Variants in THAP10 observed in about 807,000 individuals in gnomAD.
The protein encoded by THAP10 is THAP domain-containing protein 10.
In THAP10, 10 loss-of-function variants were observed where a neutral mutation model predicts 15.7. The observed-to-expected ratio is 0.64, with a 90% CI of 0.39 to 1.08. THAP10 has a LOEUF of 1.08. Among genes scored for constraint, THAP10 ranks in the 50% least tolerant of loss-of-function variants. THAP10 has a pLI of 0.01. For missense variants in THAP10, 310 were observed against 330.9 expected, an observed-to-expected ratio of 0.94 and a Z score of 0.49; for synonymous variants, 127 against 129.1, an observed-to-expected ratio of 0.98 and a Z score of 0.11.
At position 70,891,975 on chromosome 15, in the gene THAP10, C is replaced by T. The variant is rs1404464180; in HGVS notation, c.298G>A (p.Gly100Arg). Reference protein sequence around the residue: ...HRVPAPAPKRGEEGDQAGRLD... With the variant: ...HRVPAPAPKRREEGDQAGRLD... ...CGGCCTGCTTGGTCTCCCTCCTCTC[C>T]CCTCTTAGGTGCCGGGGCGGGCACC... Residue 100 changes from glycine (G) to arginine (R), a missense_variant, in exon 1 of 3, where the codon GGA (glycine) becomes AGA (arginine). Physicochemically the swap from Gly to Arg is moderately radical, Grantham distance 125 (BLOSUM62 -2). Transcript: ENST00000249861. 2 of 1,613,512 alleles carry T rather than the reference C, an allele frequency of 1.2e-6. No homozygotes were observed. The highest frequency in any genetic ancestry group is 1.7e-6 in the Non-Finnish European group (2 of 1,179,798).
intron 1 of THAP10, among the ~76,000 whole-genome samples, chr15:70,887,618 T>TA (rs2033445307): frequency 6.6e-6 from 1 of 152,118 alleles, no homozygotes; most frequent in South Asian, 2.1e-4. Flanking sequence ...AAGAGAGCTA[T>TA]AAAAAACTAT....
Position 70,892,141 on chromosome 15 carries a change from C to A in THAP10, c.132G>T (p.Trp44Cys), listed in dbSNP as rs745472889. 1 of 1,613,518 alleles carries A rather than the reference C, an allele frequency of 6.2e-7. No individual in the cohort carries two copies. The highest frequency in any genetic ancestry group is 8.5e-7 in the Non-Finnish European group (1 of 1,179,806). ...DRFVRGCRAD[W>C]YGGNDRSVIC... is the part of the protein sequence containing the mutation. ...TGACCGAGCGGTCATTGCCTCCGTA[C>A]CAGTCGGCGCGGCAACCCCGCACGA... is the stretch of plus-strand genomic sequence containing the variant. The change falls in exon 1 of 3, where the codon TGG becomes TGT. Residue 44 changes from tryptophan to cysteine, a missense_variant. Physicochemically the swap from Trp to Cys is radical, Grantham distance 215. Transcript: ENST00000249861.
At chr15:70,890,440 A>G (rs898504384) in intron 1 of THAP10, among the ~76,000 whole-genome samples, 1 of 152,220 alleles carries the variant, frequency 6.6e-6, no homozygotes, top group Non-Finnish European at 1.5e-5. Flanking sequence ...ATCATTCCAT[A>G]AATATTTATT....
intron 1 of THAP10, among the ~76,000 whole-genome samples, chr15:70,888,729 G>C (rs2033474476): frequency 6.6e-6 from 1 of 152,060 alleles, no homozygotes; most frequent in African/African-American, 2.4e-5. Flanking sequence ...AGGACTTCCA[G>C]GTAGAATCTA....
chr15:70,888,651 T>C (rs2033471944), intron 1 of THAP10, among the ~76,000 whole-genome samples: 1 of 152,072 alleles, frequency 6.6e-6, no homozygotes, highest in African/African-American at 2.4e-5. Context: ...CTTCAGTACA[T>C]CAAAAGACAT....
At chr15:70,888,462 ATGTTGGGGAAAATG>A (rs1269419009) in intron 1 of THAP10, among the ~76,000 whole-genome samples, 1 of 152,176 alleles carries the variant, frequency 6.6e-6, no homozygotes, top group Non-Finnish European at 1.5e-5. Flanking sequence ...ATGGGTATCA[ATGTTGGGGAAAATG>A]AAACTTAAAT....
At chr15:70,886,935 A>G (rs888356828) in intron 1 of THAP10, among the ~76,000 whole-genome samples, 3 of 152,092 alleles carry the variant, frequency 2.0e-5, no homozygotes, top group African/African-American at 7.2e-5. Context: ...AGCAAAAATT[A>G]CCTCAGCTCA....
intron 1 of THAP10, among the ~76,000 whole-genome samples, chr15:70,884,481 C>T (rs2033350102): frequency 6.6e-6 from 1 of 152,014 alleles, no homozygotes; most frequent in Non-Finnish European, 1.5e-5. Context: ...GATCACACCA[C>T]TGCACTCCAG....
intron 1 of THAP10, 112 bp downstream of exon 1, chr15:70,891,732 A>G: frequency 4.0e-6 from 4 of 1,001,264 alleles, no homozygotes; most frequent in African/African-American, 1.6e-5. Context: ...AACTTTGCAG[A>G]TTAGAAAACA....
intron 1 of THAP10, among the ~76,000 whole-genome samples, 192 bp downstream of exon 1, chr15:70,891,652 A>C (rs1246325133): frequency 6.0e-5 from 9 of 149,072 alleles, no homozygotes; most frequent in Non-Finnish European, 1.2e-4. Context: ...GAAGGAATTA[A>C]CTGGGTCACT....
chr15:70,889,866 A>C (rs2033507894), intron 1 of THAP10, among the ~76,000 whole-genome samples: 1 of 152,172 alleles, frequency 6.6e-6, no homozygotes, highest in Non-Finnish European at 1.5e-5. Flanking sequence ...TAGACAAGCC[A>C]ATTTTTTAGC....
At chr15:70,882,678 T>G in intron 2 of THAP10, 28 bp from the exon 3 acceptor site, 1 of 1,611,234 alleles carries the variant, frequency 6.2e-7, no homozygotes, top group Non-Finnish European at 8.5e-7. Context: ...TAAGTACCTA[T>G]GAGTTAGACT....
chr15:70,892,173 C>T lies in THAP10; in HGVS notation c.100G>A (p.Asp34Asn). Reference protein sequence around the residue: ...PKDRAVRLLWDRFVRGCRADW... With the variant: ...PKDRAVRLLWNRFVRGCRADW... ...GCGCGGCAACCCCGCACGAAGCGGT[C>T]CCAGAGCAGCCGCACGGCCCGGTCC... Residue 34 changes from aspartate (D) to asparagine (N), a missense_variant, in exon 1 of 3, where the codon GAC (aspartate) becomes AAC (asparagine). Transcript: ENST00000249861. The T allele has an allele frequency of 1.9e-6, 3 of 1,611,226 alleles. No homozygotes were observed. The highest frequency in any genetic ancestry group is 1.7e-4 in the Middle Eastern group (1 of 6,050).
chr15:70,885,305 G>A (rs978743736), intron 1 of THAP10, among the ~76,000 whole-genome samples: 7 of 152,112 alleles, frequency 4.6e-5, no homozygotes, highest in African/African-American at 1.4e-4. Flanking sequence ...TGGGGCAGAC[G>A]CAATATTTGA....
rs763838386 is a variant in THAP10, at chr15:70,882,922, T to C, written c.430-14A>G. 59 of 1,613,462 alleles carry C rather than the reference T, an allele frequency of 3.7e-5. No individual in the cohort carries two copies. The South Asian group carries it at 5.6e-4, about 15-fold the overall frequency. On this transcript the variant is annotated splice_polypyrimidine_tract_variant and intron_variant, in intron 1 of 2. Transcript: ENST00000249861. The stretch of plus-strand genomic sequence containing the variant: ...TTCACACGTAATCTAAAAATACAAA[T>C]CAGAGGAGAAACATATTAAAGTGTA...
chr15:70,882,968 C>G, intron 1 of THAP10, 60 bp from the exon 2 acceptor site: 1 of 1,561,446 alleles, frequency 6.4e-7, no homozygotes, highest in Non-Finnish European at 8.7e-7. Context: ...TTTTATCTTT[C>G]AAAAGTTACA....
At chr15:70,886,813 C>G (rs932162011) in intron 1 of THAP10, among the ~76,000 whole-genome samples, 1 of 151,992 alleles carries the variant, frequency 6.6e-6, no homozygotes, top group Admixed American at 6.5e-5. Flanking sequence ...TTGTAGTGAG[C>G]TGAGATTGCG....
At chr15:70,884,292 G>GGAGGC (rs2033345403) in intron 1 of THAP10, among the ~76,000 whole-genome samples, 1 of 152,060 alleles carries the variant, frequency 6.6e-6, no homozygotes, top group African/African-American at 2.4e-5. Flanking sequence ...CAGCACTTCG[G>GGAGGC]GAGGCTGAGG....
intron 1 of THAP10, among the ~76,000 whole-genome samples, chr15:70,883,457 G>A (rs987861957): frequency 6.6e-6 from 1 of 152,026 alleles, no homozygotes; most frequent in Non-Finnish European, 1.5e-5. Context: ...GCCTCCCAAA[G>A]TGTTGGGTTT....
Sources: gnomAD v4.1 joint callset for allele counts (sites outside exome capture counted in the v4.1 genomes callset) on GRCh38, gnomAD v4.1.1 for gene constraint, MANE v1.5 for transcripts, NCBI Gene and HGNC (gene_info 2026-07-23, HGNC 2026-07-21) for gene names.